The following ARHGAP15 variants were observed in gnomAD, a reference collection of about 807,000 sequenced individuals.
ARHGAP15 encodes the protein rho GTPase-activating protein 15.
A neutral mutation model predicts 63.7 loss-of-function variants in ARHGAP15; 51 were observed. The ratio of observed to expected loss-of-function variants is 0.80; its 90% CI spans 0.64 to 1.01. The LOEUF (loss-of-function observed/expected upper bound fraction) is 1.01, where lower values mean the gene tolerates loss of function less well. Among genes scored for constraint, ARHGAP15 ranks in the 50% least tolerant of loss-of-function variants. ARHGAP15 has a pLI of 0.00. For missense variants in ARHGAP15, 560 were observed against 564.6 expected, an observed-to-expected ratio of 0.99 and a Z score of 0.08; for synonymous variants, 191 against 193.8, an observed-to-expected ratio of 0.99 and a Z score of 0.12.
At chr2:143,413,820 C>T (rs748803711) in intron 6 of ARHGAP15, among the ~76,000 whole-genome samples, 3 of 152,002 alleles carry the variant, frequency 2.0e-5, no homozygotes, top group Non-Finnish European at 2.9e-5. Flanking sequence ...AGAAGCAAGA[C>T]CAAACTGTGA....
chr2:143,538,456 C>T (rs190076291), intron 10 of ARHGAP15, among the ~76,000 whole-genome samples: 26 of 152,158 alleles, frequency 1.7e-4, no homozygotes, highest in African/African-American at 5.8e-4. Context: ...CTGTCTTGTG[C>T]CAGTTTTCAA....
At chr2:143,175,340 A>G (rs1004663168) in intron 2 of ARHGAP15, among the ~76,000 whole-genome samples, 3 of 152,204 alleles carry the variant, frequency 2.0e-5, no homozygotes, top group African/African-American at 7.2e-5. Context: ...GTTAAGGCCC[A>G]TCACAGATCA....
At chr2:143,553,530 CG>C (rs1019166944) in intron 10 of ARHGAP15, among the ~76,000 whole-genome samples, 12 of 152,200 alleles carry the variant, frequency 7.9e-5, no homozygotes, top group Admixed American at 7.9e-4. Context: ...ACAACCACAG[CG>C]GTAGCACAGG....
At chr2:143,466,516 A>G (rs1691220196) in intron 8 of ARHGAP15, among the ~76,000 whole-genome samples, 1 of 152,066 alleles carries the variant, frequency 6.6e-6, no homozygotes, top group Non-Finnish European at 1.5e-5. Context: ...ATTTTACATA[A>G]TGGGCTTTGT....
chr2:143,243,729 A>C (rs1693950397), intron 5 of ARHGAP15, among the ~76,000 whole-genome samples: 1 of 152,116 alleles, frequency 6.6e-6, no homozygotes, highest in Non-Finnish European at 1.5e-5. Context: ...TACTTATTCC[A>C]ATAAGTAGTT....
chr2:143,715,631 A>T (rs1173439364), intron 13 of ARHGAP15, among the ~76,000 whole-genome samples: 2 of 152,236 alleles, frequency 1.3e-5, no homozygotes, highest in East Asian at 3.8e-4. Flanking sequence ...GACCTTTGTC[A>T]GATGCAGAGA....
intron 2 of ARHGAP15, among the ~76,000 whole-genome samples, chr2:143,177,268 G>A (rs533592835): frequency 2.0e-5 from 3 of 152,156 alleles, no homozygotes; most frequent in East Asian, 1.9e-4. Context: ...GATGAGAGCC[G>A]GCTGTTCACA....
intron 12 of ARHGAP15, among the ~76,000 whole-genome samples, chr2:143,680,828 A>C (rs1683066880): frequency 6.6e-6 from 1 of 152,248 alleles, no homozygotes; most frequent in Admixed American, 6.5e-5. Context: ...GCAGTGAGTA[A>C]TATTATCAAT....
intron 11 of ARHGAP15, among the ~76,000 whole-genome samples, chr2:143,615,278 A>G (rs903162950): frequency 2.0e-5 from 3 of 152,186 alleles, no homozygotes; most frequent in Non-Finnish European, 4.4e-5. Flanking sequence ...ATCTTAATCT[A>G]CCAGTTTTGT....
intron 5 of ARHGAP15, among the ~76,000 whole-genome samples, chr2:143,233,146 A>G (rs779079052): frequency 6.6e-6 from 1 of 151,892 alleles, no homozygotes; most frequent in Non-Finnish European, 1.5e-5. Flanking sequence ...TCTTTTATGG[A>G]GTCAATGTTT....
At chr2:143,462,745 G>A (rs1394364467) in intron 8 of ARHGAP15, among the ~76,000 whole-genome samples, 4 of 152,230 alleles carry the variant, frequency 2.6e-5, no homozygotes, top group Non-Finnish European at 4.4e-5. Context: ...CAACAGAGAA[G>A]CAGTACTACT....
chr2:143,383,181 C>T (rs1687129550), intron 6 of ARHGAP15, among the ~76,000 whole-genome samples: 1 of 152,062 alleles, frequency 6.6e-6, no homozygotes, highest in South Asian at 2.1e-4. Context: ...AGGAAAAAAA[C>T]ACATTAGAAA....
At chr2:143,536,896 A>G (rs1310736873) in intron 10 of ARHGAP15, among the ~76,000 whole-genome samples, 3 of 152,152 alleles carry the variant, frequency 2.0e-5, no homozygotes, top group Admixed American at 6.6e-5. Flanking sequence ...CCCAGTAATG[A>G]GATGGCTGGG....
chr2:143,287,446 G>A (rs1238946357), intron 6 of ARHGAP15, among the ~76,000 whole-genome samples: 3 of 151,982 alleles, frequency 2.0e-5, no homozygotes, highest in African/African-American at 7.2e-5. Context: ...ATGTGTCATT[G>A]AAAGTTCACT....
chr2:143,519,246 C>A lies in ARHGAP15; in HGVS notation c.827-20C>A. 6.4e-7 allele frequency: 1 copy of A among 1,565,862 alleles called. No homozygotes were observed. Among genetic ancestry groups the A allele is most frequent in the South Asian group, 1.1e-5 (1 of 89,820 alleles). On this transcript the variant is annotated intron_variant, in intron 9 of 13. Transcript: ENST00000295095. Reference sequence around the variant, plus strand: ...CGCAAGCTTGGATTTTAATGAAGCTCATCTTTGTTTCTTTTGCAGATCAAA... The same window carrying A: ...CGCAAGCTTGGATTTTAATGAAGCTAATCTTTGTTTCTTTTGCAGATCAAA...
At chr2:143,366,676 GATTT>G (rs1345638512) in intron 6 of ARHGAP15, among the ~76,000 whole-genome samples, 1 of 151,966 alleles carries the variant, frequency 6.6e-6, no homozygotes, top group Non-Finnish European at 1.5e-5. Context: ...ATTATTTGAA[GATTT>G]ATTTAATAGG....
chr2:143,375,944 T>C (rs989157297), intron 6 of ARHGAP15, among the ~76,000 whole-genome samples: 2 of 152,194 alleles, frequency 1.3e-5, no homozygotes, highest in African/African-American at 4.8e-5. Flanking sequence ...AAGTAGAAAA[T>C]GACAACAGAA....
intron 5 of ARHGAP15, among the ~76,000 whole-genome samples, chr2:143,239,415 A>C (rs1693773329): frequency 6.6e-6 from 1 of 152,100 alleles, no homozygotes; most frequent in African/African-American, 2.4e-5. Context: ...GTCTAATAGA[A>C]TTTTGTACTC....
chr2:143,497,804 G>C (rs1195532454), intron 9 of ARHGAP15, among the ~76,000 whole-genome samples: 1 of 152,114 alleles, frequency 6.6e-6, no homozygotes, highest in Middle Eastern at 3.2e-3. Context: ...TTCTTATATA[G>C]TGAGACAAGT....
Sources: allele counts gnomAD v4.1 joint callset (sites outside exome capture counted in the v4.1 genomes callset), GRCh38; gene constraint gnomAD v4.1.1; transcripts MANE v1.5; gene names NCBI Gene and HGNC (gene_info 2026-07-23, HGNC 2026-07-21).